ATP13A5: variants seen among roughly 807,000 people sequenced by gnomAD.
The protein encoded by ATP13A5 is probable cation-transporting ATPase 13A5.
ATP13A5 carries 149 observed loss-of-function variants against 150.2 expected under a neutral mutation model. The ratio of observed to expected loss-of-function variants is 0.99; its 90% CI spans 0.87 to 1.14. ATP13A5 has a LOEUF of 1.14. ATP13A5 is among the 50% of genes most tolerant of loss of function. The pLI, the probability that ATP13A5 is intolerant of heterozygous loss-of-function variation, is 0.00. For missense variants in ATP13A5, 1,383 were observed against 1,449.3 expected (o/e 0.95, Z 0.74); for synonymous variants, 497 against 522.2 (o/e 0.95, Z 0.66).
At chr3:193,310,584 C>G in intron 21 of ATP13A5, 54 bp downstream of exon 21, 1 of 1,389,964 alleles carries the variant, frequency 7.2e-7, no homozygotes, top group Admixed American at 2.2e-5. Context: ...AATTATTGAC[C>G]CATAGGTAGC....
chr3:193,305,808 TC>T, intron 22 of ATP13A5, 140 bp from the exon 23 acceptor site: 1 of 693,812 alleles, frequency 1.4e-6, no homozygotes. Context: ...ATGCTGTCCC[TC>T]CACCTGGAGT....
intron 9 of ATP13A5, among the ~76,000 whole-genome samples, chr3:193,337,710 G>A (rs900516153): frequency 1.3e-5 from 2 of 152,182 alleles, no homozygotes; most frequent in African/African-American, 2.4e-5. Context: ...TCTTGGCAAT[G>A]TGGGCTCTTT....
intron 6 of ATP13A5, 136 bp from the exon 7 acceptor site, chr3:193,351,337 A>C (rs78984196): frequency 0.061 from 63,633 of 1,043,538 alleles, 3,371 homozygotes; most frequent in East Asian, 0.21. Context: ...ATTCACTTAG[A>C]TCTCTATTGA....
At chr3:193,341,869 T>G (rs1445819747) in intron 9 of ATP13A5, among the ~76,000 whole-genome samples, 4 of 152,144 alleles carry the variant, frequency 2.6e-5, no homozygotes, top group Admixed American at 2.0e-4. Context: ...GGAGAAGAGC[T>G]TACCAAAAAG....
Position 193,324,737 on chromosome 3 carries a change from A to G in ATP13A5, c.1674+127T>C, listed in dbSNP as rs1719409069. The G allele has an allele frequency of 4.0e-6, 4 of 995,904 alleles. No homozygotes were observed. In the Admixed American group the frequency reaches 9.8e-5, roughly 24 times the overall value. The allele number at this position is 995,904 out of a possible 1,614,324, so 61.7% of individuals were successfully genotyped here. A position where few individuals can be genotyped will look rare whatever the true frequency, so the allele number is the denominator to read the frequency against. ...GGGGCACAGGTTGGGAAGTTCTGGT[A>G]GTGTTACACGCTTATACATACATTA... On this transcript the variant is annotated intron_variant, in intron 14 of 29. Coordinates refer to ENST00000342358, the MANE Select transcript of ATP13A5 (RefSeq NM_198505.4).
chr3:193,327,598 A>T (rs1490324384), intron 12 of ATP13A5, among the ~76,000 whole-genome samples: 7 of 152,204 alleles, frequency 4.6e-5, no homozygotes, highest in Non-Finnish European at 1.0e-4. Flanking sequence ...AATAATAAAT[A>T]TTAATTAATG....
intron 7 of ATP13A5, 55 bp from the exon 8 acceptor site, chr3:193,345,130 C>T (rs570187493): frequency 6.7e-7 from 1 of 1,494,792 alleles, no homozygotes; most frequent in East Asian, 2.3e-5. Context: ...CTGAAAACCA[C>T]ATGATCTCAT....
intron 19 of ATP13A5, chr3:193,313,784 C>T (rs1190851962): frequency 1.4e-5 from 6 of 415,330 alleles, no homozygotes; most frequent in African/African-American, 1.0e-4. Context: ...GGAAAAGCAC[C>T]TGATGCCAGT....
chr3:193,371,767 C>T lies in ATP13A5; in HGVS notation c.63+6896G>A, dbSNP rs75224736. On this transcript the variant is annotated intron_variant, in intron 1 of 29. Transcript: ENST00000342358. ...TAACTATCTCTGACTTCAGGAAAGG[C>T]CCAGTCTCTTTTAATGAGTCACCTG... 7.6e-3 allele frequency among the ~76,000 whole-genome samples: 1,161 copies of T among 152,284 alleles called. 16 individuals are homozygous for T. The highest frequency in any genetic ancestry group is 0.027 in the African/African-American group (1,127 of 41,550).
intron 17 of ATP13A5, among the ~76,000 whole-genome samples, chr3:193,318,725 T>G (rs973776896): frequency 2.0e-5 from 3 of 152,146 alleles, no homozygotes; most frequent in Non-Finnish European, 4.4e-5. Context: ...CATAACATAG[T>G]GCCAAGCAGA....
In ATP13A5 at chr3:193,301,089, C is replaced by T. The variant is rs537685421; in HGVS notation, c.2775+122G>A. The T allele has an allele frequency of 3.9e-5, 33 of 848,806 alleles. 1 individual carries two copies. In the South Asian group the frequency reaches 4.7e-4, roughly 12 times the overall value. 52.6% of individuals were successfully genotyped at this position (848,806 alleles called of 1,614,324 possible). A position where few individuals can be genotyped will look rare whatever the true frequency, so the allele number is the denominator to read the frequency against. On this transcript the variant is annotated intron_variant, in intron 24 of 29. Transcript: ENST00000342358. ...CACCAGGTTCCTGAGTTTGCAGACA[C>T]CTATTTTGAGAAATGTCATTTGTTT...
Position 193,314,972 on chromosome 3 carries a change from C to A in ATP13A5, c.2158G>T (p.Gly720Cys). The A allele has an allele frequency of 1.2e-6, 2 of 1,612,344 alleles. No homozygotes were observed. The highest frequency in any genetic ancestry group is 4.5e-5 in the East Asian group (2 of 44,794). ...CAGGCCCCTAGAAACAAATACATAC[C>A]TGTAATCATCACAGTCCTGATACGG... Reference protein sequence around the residue: ...EARIRTVMITGDNLQTAITVA... With the variant: ...EARIRTVMITCDNLQTAITVA... Residue 720 changes from glycine (G) to cysteine (C), a missense_variant and splice_region_variant, in exon 18 of 30, where the codon GGT (glycine) becomes TGT (cysteine). By Grantham distance (159) the Gly-to-Cys change is radical. Transcript: ENST00000342358.
chr3:193,298,176 C>G (rs1346198710), intron 25 of ATP13A5, among the ~76,000 whole-genome samples: 3 of 152,030 alleles, frequency 2.0e-5, no homozygotes, highest in Non-Finnish European at 2.9e-5. Context: ...CTTGAAACCT[C>G]TTGGTGTTTT....
At chr3:193,336,589 G>C (rs1010299160) in intron 9 of ATP13A5, among the ~76,000 whole-genome samples, 1 of 152,180 alleles carries the variant, frequency 6.6e-6, no homozygotes, top group Non-Finnish European at 1.5e-5. Flanking sequence ...TGGCTGCATA[G>C]TATTCCATGG....
rs569026236 is a variant in ATP13A5 at position 193,295,060 on chromosome 3, G to A, written c.2848+4071C>T. Among the ~76,000 whole-genome samples the A allele has an allele frequency of 9.9e-5, 15 of 152,052 alleles. No homozygotes were observed. In the East Asian group the frequency reaches 1.7e-3, roughly 18 times the overall value. On this transcript the variant is annotated intron_variant, in intron 25 of 29. Coordinates refer to ENST00000342358, the MANE Select transcript of ATP13A5 (RefSeq NM_198505.4). Reference sequence around the variant, plus strand: ...ACCATAAGTCAAACCATCATAAATCGGGGACATCTGTAATTTTACATTGAT... The same window carrying A: ...ACCATAAGTCAAACCATCATAAATCAGGGACATCTGTAATTTTACATTGAT...
intron 20 of ATP13A5, 58 bp from the exon 21 acceptor site, chr3:193,310,775 A>T: frequency 7.3e-7 from 1 of 1,377,648 alleles, no homozygotes; most frequent in South Asian, 1.3e-5. Context: ...TTTTAAAAAT[A>T]AAAGAACAGC....
chr3:193,322,635 C>T (rs1451280850), intron 14 of ATP13A5, 61 bp from the exon 15 acceptor site: 3 of 1,181,946 alleles, frequency 2.5e-6, no homozygotes, highest in South Asian at 2.6e-5. Context: ...AAAGAAATAT[C>T]TCTTATTTGC....
chr3:193,361,013 A>C (rs1449590430), intron 5 of ATP13A5, among the ~76,000 whole-genome samples: 1 of 152,160 alleles, frequency 6.6e-6, no homozygotes, highest in Non-Finnish European at 1.5e-5. Context: ...TACAATGTTT[A>C]CTGAAGTTTG....
At chr3:193,355,641 TGA>T (rs1474267506) in intron 5 of ATP13A5, among the ~76,000 whole-genome samples, 4 of 152,210 alleles carry the variant, frequency 2.6e-5, no homozygotes, top group African/African-American at 4.8e-5. Flanking sequence ...ATGAAAACAC[TGA>T]GGTTCAAGGA....
Sources: allele counts gnomAD v4.1 joint callset (sites outside exome capture counted in the v4.1 genomes callset), GRCh38; gene constraint gnomAD v4.1.1; transcripts MANE v1.5; gene names NCBI Gene and HGNC (gene_info 2026-07-23, HGNC 2026-07-21).